The following USP14 variants were observed in gnomAD, a reference collection of about 807,000 sequenced individuals.
The protein encoded by USP14 is ubiquitin specific peptidase 14.
Under a neutral mutation model 76.5 loss-of-function variants are expected in USP14, and 38 were observed. That is an observed-to-expected ratio of 0.50 (90% CI 0.38 to 0.65). USP14 has a LOEUF of 0.65. USP14 is among the 30% of genes least tolerant of loss of function. The probability of loss-of-function intolerance (pLI) is 0.00; values close to 1 mark genes in which losing one functional copy is unlikely to be tolerated. For missense variants in USP14, 467 were observed against 586.5 expected (o/e 0.80, Z 2.10); for synonymous variants, 192 against 191.7 (o/e 1.00, Z -0.01).
intron 1 of USP14, among the ~76,000 whole-genome samples, chr18:160,761 T>A (rs1047819238): frequency 1.3e-5 from 2 of 152,208 alleles, no homozygotes; most frequent in Non-Finnish European, 2.9e-5. Flanking sequence ...ACTATTGTAA[T>A]ATGCTTCTAG....
At chr18:187,874 G>C (rs887806112) in intron 5 of USP14, among the ~76,000 whole-genome samples, 1 of 152,038 alleles carries the variant, frequency 6.6e-6, no homozygotes, top group Non-Finnish European at 1.5e-5. Flanking sequence ...TTTTAGTTAT[G>C]ATGATATTTA....
At chr18:166,930 C>A in intron 3 of USP14, 111 bp downstream of exon 3, 1 of 916,208 alleles carries the variant, frequency 1.1e-6, no homozygotes, top group Non-Finnish European at 1.6e-6. Context: ...CCAGCACTAT[C>A]TGTTGAAAAT....
intron 3 of USP14, 142 bp from the exon 4 acceptor site, chr18:178,791 A>C (rs1909700823): frequency 1.4e-5 from 8 of 557,736 alleles, no homozygotes; most frequent in South Asian, 8.5e-5. Flanking sequence ...CTAGGCAGCA[A>C]CTAATCTACT....
chr18:194,584 A>C (rs1268294694), intron 6 of USP14, among the ~76,000 whole-genome samples: 1 of 152,186 alleles, frequency 6.6e-6, no homozygotes, highest in Non-Finnish European at 1.5e-5. Context: ...TGAATATTTC[A>C]GTATGTATTT....
chr18:202,760 T>C, intron 10 of USP14, 120 bp from the exon 11 acceptor site: 5 of 827,214 alleles, frequency 6.0e-6, no homozygotes, highest in Non-Finnish European at 9.7e-6. Context: ...AACCCATTGA[T>C]GTACTGTATA....
At chr18:189,551 C>A (rs1038056276) in intron 5 of USP14, among the ~76,000 whole-genome samples, 3 of 151,834 alleles carry the variant, frequency 2.0e-5, no homozygotes, top group African/African-American at 7.3e-5. Context: ...GGCACAATCT[C>A]GGCTCACTGC....
rs1450976052 is a variant in USP14, at chr18:207,173, A to G, written c.1164+2481A>G. 6.9e-5 allele frequency among the ~76,000 whole-genome samples: 10 copies of G among 144,810 alleles called. 3 individuals carry two copies. Among genetic ancestry groups the G allele is most frequent in the Non-Finnish European group, 1.4e-4 (9 of 63,862 alleles). On this transcript the variant is annotated intron_variant, in intron 13 of 15. Transcript: ENST00000261601. ...ACTATTAATTTTATTCCATTGGTCT[A>G]TATGTCTGTCCTGATGCTCATACCA...
chr18:168,564 A>G (rs60980138), intron 3 of USP14, among the ~76,000 whole-genome samples: 19,281 of 151,706 alleles, frequency 0.13, 1,335 homozygotes, highest in Middle Eastern at 0.18. Flanking sequence ...CCTCCTGAGT[A>G]GTTGGGATTA....
intron 3 of USP14, among the ~76,000 whole-genome samples, chr18:167,786 G>A (rs1909316185): frequency 1.3e-5 from 2 of 152,056 alleles, no homozygotes; most frequent in Non-Finnish European, 2.9e-5. Context: ...AAAGTGCTGG[G>A]ATTAACAGGT....
At chr18:209,938 A>T in intron 13 of USP14, 33 bp from the exon 14 acceptor site, 1 of 1,513,418 alleles carries the variant, frequency 6.6e-7, no homozygotes, top group South Asian at 1.2e-5. Context: ...TTCCAAAATC[A>T]TGATTTAAAA....
intron 5 of USP14, among the ~76,000 whole-genome samples, chr18:183,747 G>GTT (rs753329371): frequency 7.1e-6 from 1 of 140,160 alleles, no homozygotes; most frequent in African/African-American, 2.6e-5. Context: ...TTATTTAAAG[G>GTT]TTTTTTTTTT....
intron 10 of USP14, 93 bp downstream of exon 10, chr18:199,409 G>C (rs1168683261): frequency 1.2e-6 from 1 of 869,196 alleles, no homozygotes; most frequent in East Asian, 2.6e-5. Context: ...ATGGTCATTT[G>C]TAGACATGTG....
At chr18:178,480 G>A (rs1479833056) in intron 3 of USP14, among the ~76,000 whole-genome samples, 1 of 152,108 alleles carries the variant, frequency 6.6e-6, no homozygotes, top group African/African-American at 2.4e-5. Flanking sequence ...TTTATATAGA[G>A]TAAAATTCAC....
intron 1 of USP14, among the ~76,000 whole-genome samples, chr18:162,288 C>A (rs1484913534): frequency 6.6e-6 from 1 of 152,098 alleles, no homozygotes; most frequent in Non-Finnish European, 1.5e-5. Flanking sequence ...TATGGTAATT[C>A]TATGTTTACT....
chr18:166,445 G>A (rs761767613), intron 2 of USP14, among the ~76,000 whole-genome samples: 7 of 151,870 alleles, frequency 4.6e-5, no homozygotes, highest in Non-Finnish European at 7.4e-5. Context: ...CAATTATCTT[G>A]TCTCAGCCTC....
chr18:184,716 C>T (rs1909881477), intron 5 of USP14, among the ~76,000 whole-genome samples: 1 of 152,136 alleles, frequency 6.6e-6, no homozygotes, highest in Non-Finnish European at 1.5e-5. Context: ...TGCAGTGAGC[C>T]ATCAGTGTGC....
At chr18:184,121 T>C (rs1006583712) in intron 5 of USP14, among the ~76,000 whole-genome samples, 21 of 152,378 alleles carry the variant, frequency 1.4e-4, no homozygotes, top group Admixed American at 1.1e-3. Flanking sequence ...AAGTATTTTT[T>C]GTTTTTCCTT....
chr18:189,720 A>G (rs961033865), intron 5 of USP14, among the ~76,000 whole-genome samples: 10 of 152,152 alleles, frequency 6.6e-5, no homozygotes, highest in African/African-American at 2.2e-4. Flanking sequence ...TGACCTCGTG[A>G]TCCACCTGCC....
chr18:180,211 C>CTTTTT, intron 4 of USP14, 25 bp from the exon 5 acceptor site: 1 of 983,878 alleles, frequency 1.0e-6, no homozygotes, highest in Non-Finnish European at 1.4e-6. Context: ...TGATTTAATC[C>CTTTTT]TTTTTTTTTT....
Sources: allele counts gnomAD v4.1 joint callset (sites outside exome capture counted in the v4.1 genomes callset), GRCh38; gene constraint gnomAD v4.1.1; transcripts MANE v1.5; gene names NCBI Gene and HGNC (gene_info 2026-07-23, HGNC 2026-07-21).